IPO11: variants seen among roughly 807,000 people sequenced by gnomAD.
IPO11 encodes importin-11.
Under a neutral mutation model 143.2 loss-of-function variants are expected in IPO11, and 66 were observed. The ratio of observed to expected loss-of-function variants is 0.46; its 90% CI spans 0.38 to 0.57. The LOEUF (loss-of-function observed/expected upper bound fraction) is 0.57. IPO11 is among the 20% of genes least tolerant of loss of function. The pLI, the probability that IPO11 is intolerant of heterozygous loss-of-function variation, is 0.00. For missense variants in IPO11, 1,026 were observed against 1,141.0 expected (o/e 0.90, Z 1.45); for synonymous variants, 385 against 377.8 (o/e 1.02, Z -0.22).
chr5:62,490,010 G>A (rs1452938028), intron 14 of IPO11, 105 bp from the exon 15 acceptor site: 5 of 510,482 alleles, frequency 9.8e-6, no homozygotes. Flanking sequence ...TAATTTCCCT[G>A]ATTAGCATAT....
At chr5:62,624,142 C>G (rs528927978) in intron 29 of IPO11, among the ~76,000 whole-genome samples, 1 of 152,256 alleles carries the variant, frequency 6.6e-6, no homozygotes, top group South Asian at 2.1e-4. Flanking sequence ...TCAGGCGATT[C>G]TCCTGCCTCA....
At chr5:62,485,106 C>G (rs967348194) in intron 11 of IPO11, among the ~76,000 whole-genome samples, 8 of 152,018 alleles carry the variant, frequency 5.3e-5, no homozygotes, top group African/African-American at 1.9e-4. Flanking sequence ...TCTCAGAATT[C>G]TAGTGATATT....
At chr5:62,578,303 A>T (rs1173716905) in intron 27 of IPO11, among the ~76,000 whole-genome samples, 1 of 152,112 alleles carries the variant, frequency 6.6e-6, no homozygotes, top group African/African-American at 2.4e-5. Flanking sequence ...ACTGGAGGAT[A>T]ATATAACAAC....
At chr5:62,446,249 G>A (rs1298288564) in intron 3 of IPO11, among the ~76,000 whole-genome samples, 1 of 152,188 alleles carries the variant, frequency 6.6e-6, no homozygotes, top group Non-Finnish European at 1.5e-5. Context: ...AAAGACACCT[G>A]TGTAACTGCC....
chr5:62,441,496 CTTTTTTTTTTTTTT>C (rs995019567), intron 2 of IPO11, among the ~76,000 whole-genome samples: 250 of 47,386 alleles, frequency 5.3e-3, no homozygotes, highest in East Asian at 0.034. Context: ...TGTGCCTGGC[CTTTTTTTTTTTTTT>C]TTTTTTTTTT....
chr5:62,543,962 G>T (rs535979908), intron 24 of IPO11, among the ~76,000 whole-genome samples: 7 of 152,228 alleles, frequency 4.6e-5, no homozygotes, highest in African/African-American at 1.7e-4. Flanking sequence ...TCATTCAGCA[G>T]CAGGTTGTTC....
intron 3 of IPO11, among the ~76,000 whole-genome samples, chr5:62,443,569 C>G (rs1485519849): frequency 6.6e-6 from 1 of 151,506 alleles, no homozygotes; most frequent in Non-Finnish European, 1.5e-5. Context: ...TTGAGATCAT[C>G]CTGGGCGACA....
chr5:62,569,736 A>G (rs979866681), intron 27 of IPO11, among the ~76,000 whole-genome samples: 3 of 152,226 alleles, frequency 2.0e-5, no homozygotes, highest in Non-Finnish European at 2.9e-5. Flanking sequence ...AGAGACATGA[A>G]TAAGATTACT....
Position 62,533,901 on chromosome 5 carries a change from T to C in IPO11, c.2090-2801T>C, listed in dbSNP as rs193051436. On this transcript the variant is annotated intron_variant, in intron 22 of 29. Transcript: ENST00000325324. ...GGCTGCAGTGGCTGCAGTGAGCTGT[T>C]ACTCTGCTCTTGCATTCCAGCTTGG... 4.3e-3 allele frequency among the ~76,000 whole-genome samples: 646 copies of C among 151,906 alleles called. 1 individual carries two copies. The highest frequency in any genetic ancestry group is 6.6e-3 in the Non-Finnish European group (451 of 67,982).
chr5:62,506,178 T>C (rs1165897455), intron 18 of IPO11, 63 bp from the exon 19 acceptor site: 2 of 795,920 alleles, frequency 2.5e-6, no homozygotes, highest in African/African-American at 1.7e-5. Context: ...TCTGTTCGTA[T>C]GAATGTAGAG....
At chr5:62,436,724 T>C (rs1744256077) in intron 1 of IPO11, among the ~76,000 whole-genome samples, 1 of 152,222 alleles carries the variant, frequency 6.6e-6, no homozygotes, top group African/African-American at 2.4e-5. Flanking sequence ...GCATTTCATT[T>C]TGTATGTTTC....
At chr5:62,600,053 G>C (rs1394920933) in intron 28 of IPO11, among the ~76,000 whole-genome samples, 3 of 151,992 alleles carry the variant, frequency 2.0e-5, no homozygotes, top group African/African-American at 7.2e-5. Context: ...TTTTGGGGGT[G>C]GGGGAGACAG....
intron 1 of IPO11, among the ~76,000 whole-genome samples, chr5:62,423,795 ATTTC>A (rs549698436): frequency 1.5e-3 from 234 of 152,168 alleles, no homozygotes; most frequent in Non-Finnish European, 2.7e-3. Flanking sequence ...AATAAACTTC[ATTTC>A]TTTAAGTTTT....
At chr5:62,580,927 G>C in intron 27 of IPO11, 1 of 1,550,588 alleles carries the variant, frequency 6.4e-7, no homozygotes, top group Non-Finnish European at 8.7e-7. Context: ...CTTGAACTTG[G>C]AAAAAAACAG....
At chr5:62,506,395 G>T in intron 19 of IPO11, 38 bp downstream of exon 19, 1 of 1,125,588 alleles carries the variant, frequency 8.9e-7, no homozygotes. Flanking sequence ...AATGAGGGGT[G>T]GGTAGAATAG....
Position 62,598,413 on chromosome 5 carries a change from T to C in IPO11, c.2679-3351T>C, listed in dbSNP as rs1314398746. 5.5e-4 allele frequency among the ~76,000 whole-genome samples: 6 copies of C among 10,920 alleles called. No individual in the cohort carries two copies. In the African/African-American group the frequency reaches 6.6e-3, roughly 12 times the overall value. The allele number at this position is 10,920 out of a possible 152,430, so 7.2% of individuals were successfully genotyped here. ...CTTGCTTTCTTTCTTTCTTTCTTTC[T>C]TTCTTTCTTTCTTTCTTTCTCTCTC... On this transcript the variant is annotated intron_variant, in intron 28 of 29. Transcript: ENST00000325324.
intron 29 of IPO11, among the ~76,000 whole-genome samples, chr5:62,613,298 CTTTT>C (rs372608086): frequency 1.2e-4 from 8 of 69,086 alleles, no homozygotes; most frequent in Admixed American, 2.4e-4. Flanking sequence ...ACATGCTCTT[CTTTT>C]TTTTTTTTTT....
rs909476468 is a variant in IPO11 at position 62,429,550 on chromosome 5, G to A, written c.-6-7724G>A. On this transcript the variant is annotated intron_variant, in intron 1 of 29. Coordinates refer to ENST00000325324, the MANE Select transcript of IPO11 (RefSeq NM_016338.5). ...CTCATGCCTTAGCCTCCCGAGTAAC[G>A]AATTACAGGCGCACACCACCATGCC... Among the ~76,000 whole-genome samples the A allele has an allele frequency of 1.4e-4, 20 of 144,460 alleles. 1 individual carries two copies. The South Asian group carries it at 1.5e-3, about 11-fold the overall frequency. The allele number at this position is 144,460 out of a possible 152,430, so 94.8% of individuals were successfully genotyped here.
At chr5:62,480,906 ATTTTTTTT>A (rs34947365) in intron 9 of IPO11, among the ~76,000 whole-genome samples, 14 of 84,966 alleles carry the variant, frequency 1.6e-4, no homozygotes, top group African/African-American at 6.5e-4. Context: ...TTCCTCTTTC[ATTTTTTTT>A]TTTTTTTTTT....
Sources: allele counts gnomAD v4.1 joint callset (sites outside exome capture counted in the v4.1 genomes callset), GRCh38; gene constraint gnomAD v4.1.1; transcripts MANE v1.5; gene names NCBI Gene and HGNC (gene_info 2026-07-23, HGNC 2026-07-21).